PLD5: variants seen among roughly 807,000 people sequenced by gnomAD.
The protein encoded by PLD5 is phospholipase D family member 5, also known as inactive phospholipase D5.
Under a neutral mutation model 61.1 loss-of-function variants are expected in PLD5, and 36 were observed. The observed-to-expected ratio is 0.59, with a 90% CI of 0.45 to 0.78. PLD5 has a LOEUF of 0.78. PLD5 is among the 30% of genes least tolerant of loss of function. The probability of loss-of-function intolerance (pLI) is 0.00; values close to 1 mark genes in which losing one functional copy is unlikely to be tolerated. For missense variants in PLD5, 515 were observed against 644.4 expected, an observed-to-expected ratio of 0.80 and a Z score of 2.17; for synonymous variants, 243 against 242.8, an observed-to-expected ratio of 1.00 and a Z score of -0.01.
rs199621711 is a variant in PLD5 at position 242,407,561 on chromosome 1, G to T, written c.190-59319C>A. On this transcript the variant is annotated intron_variant, in intron 1 of 9. Transcript: ENST00000536534. ...ATAGTTTTTTTGTTGTGGTTGTTTT[G>T]TTTTTTTTTTTTTTTTTTGAGACGG... Among the ~76,000 whole-genome samples the T allele has an allele frequency of 9.3e-3, 1,206 of 130,130 alleles. 23 individuals carry two copies. The highest frequency in any genetic ancestry group is 0.031 in the African/African-American group (1,062 of 34,026). The allele number at this position is 130,130 out of a possible 152,430, so 85.4% of individuals were successfully genotyped here.
At chr1:242,180,543 TAAC>T (rs1667453764) in intron 5 of PLD5, among the ~76,000 whole-genome samples, 1 of 152,146 alleles carries the variant, frequency 6.6e-6, no homozygotes, top group African/African-American at 2.4e-5. Flanking sequence ...ATAGGGAAGA[TAAC>T]AATATTTTTG....
chr1:242,388,107 T>A (rs542335225), intron 1 of PLD5, among the ~76,000 whole-genome samples: 2 of 152,238 alleles, frequency 1.3e-5, no homozygotes, highest in South Asian at 4.1e-4. Context: ...AGATTTAACG[T>A]TGGAAACAAA....
intron 4 of PLD5, among the ~76,000 whole-genome samples, chr1:242,240,057 C>T (rs2149057988): frequency 6.6e-6 from 1 of 152,362 alleles, no homozygotes; most frequent in East Asian, 1.9e-4. Flanking sequence ...ATCTACTTCA[C>T]TGTTCTTAAC....
intron 2 of PLD5, among the ~76,000 whole-genome samples, chr1:242,347,869 A>C (rs998289746): frequency 5.3e-5 from 8 of 152,066 alleles, no homozygotes; most frequent in African/African-American, 1.9e-4. Context: ...TGTTAGAAAA[A>C]TTTTTTTGTT....
chr1:242,297,427 G>T (rs1203117125), intron 2 of PLD5, among the ~76,000 whole-genome samples: 2 of 143,956 alleles, frequency 1.4e-5, no homozygotes, highest in African/African-American at 2.6e-5. Context: ...TTTTTTTTAA[G>T]GCAGGGTCTT....
chr1:242,485,643 G>A (rs1667935174), intron 1 of PLD5, among the ~76,000 whole-genome samples: 1 of 152,158 alleles, frequency 6.6e-6, no homozygotes, highest in South Asian at 2.1e-4. Flanking sequence ...TACTGCCCAA[G>A]GTAATTTATA....
intron 4 of PLD5, among the ~76,000 whole-genome samples, chr1:242,243,298 T>G (rs1672172852): frequency 6.6e-6 from 1 of 152,240 alleles, no homozygotes; most frequent in African/African-American, 2.4e-5. Context: ...ATCTAGAGTG[T>G]GTACAACTCC....
intron 1 of PLD5, among the ~76,000 whole-genome samples, chr1:242,394,597 T>A (rs62646899): frequency 1.0e-4 from 1 of 9,820 alleles, no homozygotes; most frequent in African/African-American, 5.7e-4. Flanking sequence ...CATATATATG[T>A]GTATATATGT....
intron 4 of PLD5, among the ~76,000 whole-genome samples, chr1:242,230,396 G>A (rs1394649581): frequency 6.6e-6 from 1 of 152,064 alleles, no homozygotes; most frequent in Non-Finnish European, 1.5e-5. Context: ...ATAGATTTCT[G>A]GAAAGGTTTT....
rs1162697465 is a variant in PLD5, at chr1:242,089,829, C to G, written c.*25G>C. On this transcript the variant is annotated 3_prime_UTR_variant, in exon 10 of 10. Coordinates refer to ENST00000536534, the MANE Select transcript of PLD5 (RefSeq NM_001372062.1). ...TTATGTATAAATATGAAATACAGAGCTGTCCTGTCAGTTTCTTCATCATGT... is the reference window on the plus strand; with the variant it reads ...TTATGTATAAATATGAAATACAGAGGTGTCCTGTCAGTTTCTTCATCATGT... The G allele has an allele frequency of 6.2e-7, 1 of 1,613,090 alleles. No individual in the cohort carries two copies. Among genetic ancestry groups the G allele is most frequent in the Non-Finnish European group, 8.5e-7 (1 of 1,179,228 alleles).
chr1:242,447,160 G>T (rs188774701), intron 1 of PLD5, among the ~76,000 whole-genome samples: 1 of 152,140 alleles, frequency 6.6e-6, no homozygotes, highest in Non-Finnish European at 1.5e-5. Flanking sequence ...CTTAAAAGTC[G>T]TCTGCAATTT....
At chr1:242,238,836 G>A (rs1405171346) in intron 4 of PLD5, among the ~76,000 whole-genome samples, 2 of 152,166 alleles carry the variant, frequency 1.3e-5, no homozygotes, top group African/African-American at 4.8e-5. Context: ...GGGACCTCAG[G>A]GAGAGTGGTG....
intron 1 of PLD5, among the ~76,000 whole-genome samples, chr1:242,521,657 C>T (rs111921421): frequency 3.9e-5 from 6 of 152,276 alleles, no homozygotes; most frequent in African/African-American, 1.4e-4. Context: ...AAAAAAGTGG[C>T]CATCCATTTG....
chr1:242,140,278 T>G (rs2148787255), intron 5 of PLD5, among the ~76,000 whole-genome samples: 1 of 152,346 alleles, frequency 6.6e-6, no homozygotes, highest in East Asian at 1.9e-4. Flanking sequence ...TTACAAGTTT[T>G]TGCAAGAAAG....
chr1:242,501,562 T>C (rs1050784103), intron 1 of PLD5, among the ~76,000 whole-genome samples: 1 of 152,112 alleles, frequency 6.6e-6, no homozygotes, highest in African/African-American at 2.4e-5. Context: ...TCAATGCTCA[T>C]AAAGAAACGG....
rs1191090836 is a variant in PLD5 at position 242,361,891 on chromosome 1, T to C, written c.190-13649A>G. ...GGCTCATGCCTGTAGTCCTAGCACTTTGGGAGGCCGAGGTGGGAGGATTGC... is the reference window on the plus strand; with the variant it reads ...GGCTCATGCCTGTAGTCCTAGCACTCTGGGAGGCCGAGGTGGGAGGATTGC... On this transcript the variant is annotated intron_variant, in intron 1 of 9. Coordinates refer to ENST00000536534, the MANE Select transcript of PLD5 (RefSeq NM_001372062.1). Among the ~76,000 whole-genome samples, 8 of 151,954 alleles carry C rather than the reference T, an allele frequency of 5.3e-5. No homozygotes were observed. In the South Asian group the frequency reaches 1.2e-3, roughly 24 times the overall value.
At chr1:242,172,505 G>A (rs1427170480) in intron 5 of PLD5, among the ~76,000 whole-genome samples, 1 of 152,102 alleles carries the variant, frequency 6.6e-6, no homozygotes, top group Non-Finnish European at 1.5e-5. Flanking sequence ...AAAGCTAGCA[G>A]AAGACAAGAA....
intron 5 of PLD5, among the ~76,000 whole-genome samples, chr1:242,164,061 G>A (rs1000573202): frequency 1.6e-4 from 24 of 151,764 alleles, no homozygotes; most frequent in African/African-American, 5.8e-4. Context: ...ATGTGCAAAG[G>A]ATAAGTGACT....
chr1:242,469,751 G>T (rs1667382890), intron 1 of PLD5, among the ~76,000 whole-genome samples: 1 of 152,044 alleles, frequency 6.6e-6, no homozygotes. Context: ...CACACATCTT[G>T]CTGTCCAGGG....
Sources: allele counts gnomAD v4.1 joint callset (sites outside exome capture counted in the v4.1 genomes callset), GRCh38; gene constraint gnomAD v4.1.1; transcripts MANE v1.5; gene names NCBI Gene and HGNC (gene_info 2026-07-23, HGNC 2026-07-21).